The following SIK2 variants were observed in gnomAD, a reference collection of about 807,000 sequenced individuals.
The protein encoded by SIK2 is serine/threonine-protein kinase SIK2.
In SIK2, 29 loss-of-function variants were observed where a neutral mutation model predicts 103.2. That is an observed-to-expected ratio of 0.28 (90% CI 0.21 to 0.38). The LOEUF (loss-of-function observed/expected upper bound fraction) is 0.38. Ranked by LOEUF, SIK2 falls within the 10% of genes least tolerant of loss-of-function variation. SIK2 has a pLI of 1.00. For synonymous variants in SIK2, 412 were observed against 446.1 expected, an observed-to-expected ratio of 0.92 and a Z score of 0.96; for missense variants, 879 against 1,171.0, an observed-to-expected ratio of 0.75 and a Z score of 3.64.
At chr11:111,672,265 G>C in intron 3 of SIK2, 1 of 374,088 alleles carries the variant, frequency 2.7e-6, no homozygotes, top group Non-Finnish European at 4.9e-6. Context: ...GGCCACCCAG[G>C]AAGCTGCTGC....
chr11:111,658,753 A>G (rs186722534), intron 3 of SIK2, among the ~76,000 whole-genome samples: 2 of 152,200 alleles, frequency 1.3e-5, no homozygotes, highest in Admixed American at 1.3e-4. Flanking sequence ...AAAAAAAAGA[A>G]GAAGAAGAAG....
In SIK2 at chr11:111,723,622, TCCA is replaced by T; in HGVS notation, c.2277_2279del (p.Pro761del). 1 of 1,613,728 alleles carries T rather than the reference TCCA, an allele frequency of 6.2e-7. No homozygotes were observed. The highest frequency in any genetic ancestry group is 1.3e-5 in the African/African-American group (1 of 75,006). ...AGCTGCCCCTTCCCCGCCAGGAGAC[TCCA>T]CCGCCTTCTCAGCAGGCCCCACCGT... On this transcript the variant is annotated inframe_deletion, in exon 15 of 15. Transcript: ENST00000304987.
intron 8 of SIK2, among the ~76,000 whole-genome samples, chr11:111,711,600 C>T (rs1484030353): frequency 2.0e-5 from 3 of 152,222 alleles, no homozygotes; most frequent in Non-Finnish European, 4.4e-5. Context: ...GGCCAGCAGG[C>T]TGAGTCCAGG....
Position 111,688,017 on chromosome 11 carries a change from T to C in SIK2, c.333T>C (p.His111=). 1 of 1,614,180 alleles carries C rather than the reference T, an allele frequency of 6.2e-7. No homozygotes were observed. The highest frequency in any genetic ancestry group is 8.5e-7 in the Non-Finnish European group (1 of 1,180,016). ...NGEIFDYLAN[H]GRLNESEARR... ...CATTTACAGACTATCTTGCTAATCA[T>C]GGCCGGTTAAATGAGTCTGAAGCCA... Residue 111 remains histidine, a synonymous_variant, in exon 4 of 15, where the codon CAT becomes CAC. Transcript: ENST00000304987. The surrounding 1 kb of genome is among the most constrained non-coding windows in gnomAD (Gnocchi z 4.2).
chr11:111,663,185 A>G (rs138274318), intron 3 of SIK2, among the ~76,000 whole-genome samples: 4,236 of 151,476 alleles, frequency 0.028, 194 homozygotes, highest in African/African-American at 0.096. Flanking sequence ...GTGAGTCGTG[A>G]TCACACCACT....
In SIK2 at chr11:111,712,365, A is replaced by G. The variant is rs756624508; in HGVS notation, c.1256A>G (p.Asp419Gly). The stretch of plus-strand genomic sequence containing the variant: ...GCATTCATGGAAGAAGAGTGTGTGG[A>G]CACTCCAAAGGTACGGCTATGTTTG... The part of the protein sequence containing the change: ...EAAFMEEECV[D>G]TPKVNGCLLD... The change falls in exon 9 of 15, where the codon GAC (aspartate) becomes GGC (glycine). Residue 419 changes from aspartate (D) to glycine (G), a missense_variant. By Grantham distance (94) the Asp-to-Gly change is moderately conservative. Around this residue, in one of 7 missense-constraint regions of SIK2, gnomAD observed 222 missense variants for 258.0 expected, o/e 0.86. Coordinates refer to ENST00000304987, the MANE Select transcript of SIK2 (RefSeq NM_015191.3). 1 of 1,613,984 alleles carries G rather than the reference A, an allele frequency of 6.2e-7. No homozygotes were observed. Among genetic ancestry groups the G allele is most frequent in the Non-Finnish European group, 8.5e-7 (1 of 1,179,944 alleles).
At chr11:111,687,343 C>T (rs1425244660) in intron 3 of SIK2, among the ~76,000 whole-genome samples, 1 of 151,646 alleles carries the variant, frequency 6.6e-6, no homozygotes, top group Non-Finnish European at 1.5e-5. Context: ...GATGAAACCC[C>T]ATCTATACTA....
intron 3 of SIK2, among the ~76,000 whole-genome samples, chr11:111,670,324 T>C (rs886836042): frequency 6.6e-6 from 1 of 152,244 alleles, no homozygotes; most frequent in African/African-American, 2.4e-5. Context: ...GTGAATGAAA[T>C]ATTTGTCATA....
chr11:111,690,325 CCTG>C (rs1272855148), intron 4 of SIK2, among the ~76,000 whole-genome samples: 1 of 150,016 alleles, frequency 6.7e-6, no homozygotes, highest in Non-Finnish European at 1.5e-5. Flanking sequence ...GGGGAAAACT[CCTG>C]CTACACCTTT....
chr11:111,678,027 G>C (rs776266333), intron 3 of SIK2, among the ~76,000 whole-genome samples: 1 of 152,090 alleles, frequency 6.6e-6, no homozygotes, highest in Non-Finnish European at 1.5e-5. Flanking sequence ...AGAAATCCTC[G>C]CTTAGTTTGA....
intron 4 of SIK2, among the ~76,000 whole-genome samples, chr11:111,689,635 A>C (rs1290903311): frequency 6.6e-6 from 1 of 152,178 alleles, no homozygotes; most frequent in Non-Finnish European, 1.5e-5. Context: ...CTGACCAAGA[A>C]ATTATTAATT....
chr11:111,658,126 A>G (rs1165557875), intron 3 of SIK2, among the ~76,000 whole-genome samples: 1 of 140,772 alleles, frequency 7.1e-6, no homozygotes, highest in African/African-American at 2.6e-5. Flanking sequence ...TTATTTATTT[A>G]TTTATTTATT....
At chr11:111,712,105 T>G (rs1394817625) in intron 8 of SIK2, 106 bp from the exon 9 acceptor site, 3 of 1,169,548 alleles carry the variant, frequency 2.6e-6, no homozygotes, top group Non-Finnish European at 3.6e-6. Flanking sequence ...AAATAAATAT[T>G]CATTCTTTAA....
intron 4 of SIK2, 126 bp from the exon 5 acceptor site, chr11:111,700,760 C>G: frequency 8.9e-7 from 1 of 1,125,530 alleles, no homozygotes; most frequent in East Asian, 2.6e-5. Context: ...AGATAAGATG[C>G]CATCCCAGTC....
At chr11:111,693,930 T>C (rs549130159) in intron 4 of SIK2, among the ~76,000 whole-genome samples, 1 of 152,354 alleles carries the variant, frequency 6.6e-6, no homozygotes. Context: ...ACTTACTAGC[T>C]TTGTGACCTT....
intron 3 of SIK2, among the ~76,000 whole-genome samples, chr11:111,626,769 A>G (rs1941966909): frequency 6.6e-6 from 1 of 151,676 alleles, no homozygotes; most frequent in Admixed American, 6.6e-5. Context: ...TTTCAGTAGG[A>G]TTAATGCTCA....
chr11:111,718,307 T>C (rs1943705563), intron 9 of SIK2, among the ~76,000 whole-genome samples: 2 of 152,206 alleles, frequency 1.3e-5, no homozygotes, highest in African/African-American at 4.8e-5. Flanking sequence ...AGCCATTCTT[T>C]CTTGCAAGGA....
chr11:111,615,453 GA>G (rs1259622155), intron 1 of SIK2, among the ~76,000 whole-genome samples: 1 of 151,924 alleles, frequency 6.6e-6, no homozygotes, highest in Non-Finnish European at 1.5e-5. Context: ...ATTTAAATCA[GA>G]ATGCTTTATT....
Position 111,701,066 on chromosome 11 carries a change from T to C in SIK2, c.603+56T>C, listed in dbSNP as rs1943202126. 1 of 1,572,694 alleles carries C rather than the reference T, an allele frequency of 6.4e-7. No homozygotes were observed. Among genetic ancestry groups the C allele is most frequent in the Non-Finnish European group, 8.6e-7 (1 of 1,156,236 alleles). ...GCATCTATACTGATAATACTTGGTG[T>C]TCTGGCCCATCTTAGAAGCTCCTGG... On this transcript the variant is annotated intron_variant, in intron 5 of 14. Coordinates refer to ENST00000304987, the MANE Select transcript of SIK2 (RefSeq NM_015191.3). The surrounding 1 kb of genome is among the most constrained non-coding windows in gnomAD (Gnocchi z 4.2).
Sources: gnomAD v4.1 joint callset for allele counts (sites outside exome capture counted in the v4.1 genomes callset) on GRCh38, gnomAD v4.1.1 for gene constraint, gnomAD v4.1.1 regional missense constraint, Gnocchi (gnomAD v3.1) non-coding constraint, MANE v1.5 for transcripts, NCBI Gene and HGNC (gene_info 2026-07-23, HGNC 2026-07-21) for gene names.